The following TBL1XR1 variants were observed in gnomAD, a reference collection of about 807,000 sequenced individuals.
TBL1XR1 encodes F-box-like/WD repeat-containing protein TBL1XR1.
A neutral mutation model predicts 66.9 loss-of-function variants in TBL1XR1; 5 were observed. That is an observed-to-expected ratio of 0.07 (90% CI 0.04 to 0.16). The LOEUF is 0.16. Among genes scored for constraint, TBL1XR1 ranks in the 10% least tolerant of loss-of-function variants. TBL1XR1 has a pLI of 1.00. For missense variants in TBL1XR1, 238 were observed against 623.2 expected (o/e 0.38, Z 6.58); for synonymous variants, 210 against 206.0 (o/e 1.02, Z -0.17).
At chr3:177,090,468 C>A (rs938197286) in intron 2 of TBL1XR1, among the ~76,000 whole-genome samples, 1 of 149,230 alleles carries the variant, frequency 6.7e-6, no homozygotes, top group Non-Finnish European at 1.5e-5. Context: ...GTGCTTGAGC[C>A]CAGGAGTTCA....
intron 1 of TBL1XR1, among the ~76,000 whole-genome samples, chr3:177,124,194 T>C (rs1479367332): frequency 2.6e-5 from 4 of 151,052 alleles, no homozygotes; most frequent in African/African-American, 9.7e-5. Context: ...AGACAATACC[T>C]CCTGTTTTCC....
intron 10 of TBL1XR1, among the ~76,000 whole-genome samples, chr3:177,040,190 C>T (rs529144966): frequency 6.6e-6 from 1 of 152,156 alleles, no homozygotes; most frequent in East Asian, 1.9e-4. Flanking sequence ...TGGTCCATGC[C>T]TATAGTCCCA....
intron 1 of TBL1XR1, chr3:177,171,358 A>C (rs1379540879): frequency 6.6e-6 from 1 of 151,652 alleles, no homozygotes; most frequent in African/African-American, 2.4e-5. Context: ...AAATACATAC[A>C]TACACACATA....
chr3:177,033,297 T>G (rs1282658451), intron 13 of TBL1XR1, among the ~76,000 whole-genome samples, 161 bp from the exon 14 acceptor site: 2 of 152,088 alleles, frequency 1.3e-5, no homozygotes, highest in African/African-American at 4.8e-5. Context: ...GATCTTCAAG[T>G]CAGTGACAAG....
intron 2 of TBL1XR1, among the ~76,000 whole-genome samples, chr3:177,093,031 G>A (rs139995619): frequency 7.9e-5 from 12 of 152,246 alleles, no homozygotes; most frequent in Admixed American, 5.9e-4. Context: ...AACTGTTGCT[G>A]TTTGCTGATA....
At chr3:177,158,562 A>T (rs1305459222) in intron 1 of TBL1XR1, among the ~76,000 whole-genome samples, 1 of 152,088 alleles carries the variant, frequency 6.6e-6, no homozygotes, top group African/African-American at 2.4e-5. Flanking sequence ...CAACTGACAG[A>T]AGAGCCATTC....
intron 10 of TBL1XR1, among the ~76,000 whole-genome samples, chr3:177,039,648 C>G (rs1715297695): frequency 6.6e-6 from 1 of 152,166 alleles, no homozygotes; most frequent in Non-Finnish European, 1.5e-5. Context: ...TAATTAGCAA[C>G]ACAGATTATG....
At chr3:177,026,205 A>G (rs1713100170) in intron 15 of TBL1XR1, among the ~76,000 whole-genome samples, 168 bp downstream of exon 15, 1 of 152,084 alleles carries the variant, frequency 6.6e-6, no homozygotes, top group African/African-American at 2.4e-5. Context: ...TGTTTACATT[A>G]TTTGAATCCA....
At chr3:177,132,377 T>G (rs1728409086) in intron 1 of TBL1XR1, among the ~76,000 whole-genome samples, 1 of 152,166 alleles carries the variant, frequency 6.6e-6, no homozygotes, top group South Asian at 2.1e-4. Context: ...TCAGGTCCAC[T>G]GATGGGAGGC....
At chr3:177,190,347 C>T (rs1735995975) in intron 1 of TBL1XR1, among the ~76,000 whole-genome samples, 1 of 151,890 alleles carries the variant, frequency 6.6e-6, no homozygotes, top group Non-Finnish European at 1.5e-5. Context: ...GGAGTTGATG[C>T]TCTTGTTGAC....
chr3:177,167,946 A>G (rs184598998), intron 1 of TBL1XR1, among the ~76,000 whole-genome samples: 1 of 148,764 alleles, frequency 6.7e-6, no homozygotes, highest in East Asian at 2.7e-4. Context: ...AACAAAAAAA[A>G]TAAGTATCTT....
chr3:177,029,405 A>G (rs547992771), intron 14 of TBL1XR1, among the ~76,000 whole-genome samples: 1 of 152,288 alleles, frequency 6.6e-6, no homozygotes, highest in East Asian at 1.9e-4. Context: ...GGATCCCTTG[A>G]GCCTAGGGGG....
At chr3:177,176,284 C>A (rs1298279203) in intron 1 of TBL1XR1, among the ~76,000 whole-genome samples, 8 of 151,224 alleles carry the variant, frequency 5.3e-5, no homozygotes, top group Non-Finnish European at 1.2e-4. Context: ...AACACCTCCG[C>A]CCCCTGGGCT....
chr3:177,198,217 ACACG>A (rs1271140296), upstream of TBL1XR1, among the ~76,000 whole-genome samples: 12 of 152,300 alleles, frequency 7.9e-5, no homozygotes, highest in South Asian at 2.3e-3. Flanking sequence ...TGGAGAGAAA[ACACG>A]CACACAAGAA....
At chr3:177,131,466 CAA>C in intron 1 of TBL1XR1, 1 of 683,012 alleles carries the variant, frequency 1.5e-6, no homozygotes, top group Non-Finnish European at 1.8e-6. Context: ...GTTGAGAAAA[CAA>C]AAAAAAACTA....
At chr3:177,113,934 A>G (rs1297890970) in intron 1 of TBL1XR1, among the ~76,000 whole-genome samples, 1 of 152,134 alleles carries the variant, frequency 6.6e-6, no homozygotes, top group Non-Finnish European at 1.5e-5. Context: ...AATAATATGA[A>G]GGTTTCTAAA....
chr3:177,059,634 G>A (rs2108521670), intron 3 of TBL1XR1, among the ~76,000 whole-genome samples: 2 of 152,254 alleles, frequency 1.3e-5, no homozygotes, highest in Admixed American at 1.3e-4. Context: ...GTGCAAGAGA[G>A]ATAAGGAGAT....
rs112987834 is a variant in TBL1XR1 at position 177,033,095 on chromosome 3, C to T, written c.1292G>A (p.Arg431Gln). Residue 431 changes from arginine to glutamine, a missense_variant, in exon 14 of 16, where the codon CGA becomes CAA. Around this residue, in one of 8 missense-constraint regions of TBL1XR1, gnomAD observed 89 missense variants for 220.2 expected, o/e 0.40. Transcript: ENST00000457928. ...TGTCAAGGTATGGATGCATATCCCT[C>T]GGTCTACATCCCATAACCTAACAGT... is the stretch of plus-strand genomic sequence containing the variant. Reference protein sequence around the residue: ...DSTVRLWDVDRGICIHTLTKH... With the variant: ...DSTVRLWDVDQGICIHTLTKH... 13 of 1,598,224 alleles carry T rather than the reference C, an allele frequency of 8.1e-6. No homozygotes were observed. Among genetic ancestry groups the T allele is most frequent in the Non-Finnish European group, 1.1e-5 (13 of 1,170,692 alleles).
At chr3:177,148,874 C>G (rs934495251) in intron 1 of TBL1XR1, among the ~76,000 whole-genome samples, 1 of 151,572 alleles carries the variant, frequency 6.6e-6, no homozygotes, top group Non-Finnish European at 1.5e-5. Context: ...TGTGGTGGTG[C>G]GTGCCTGTGA....
Sources: allele counts gnomAD v4.1 joint callset (sites outside exome capture counted in the v4.1 genomes callset), GRCh38; gene constraint gnomAD v4.1.1; regional missense constraint gnomAD v4.1.1; transcripts MANE v1.5; gene names NCBI Gene and HGNC (gene_info 2026-07-23, HGNC 2026-07-21).